Variants in UGT1A7 observed in about 807,000 individuals in gnomAD.
UGT1A7 encodes UDP glucuronosyltransferase family 1 member A7.
A neutral mutation model predicts 45.6 loss-of-function variants in UGT1A7; 33 were observed. That is an observed-to-expected ratio of 0.72 (90% CI 0.55 to 0.97). UGT1A7 has a LOEUF of 0.97. UGT1A7 is among the 50% of genes least tolerant of loss of function. The pLI, the probability that UGT1A7 is intolerant of heterozygous loss-of-function variation, is 0.00. For missense variants in UGT1A7, 684 were observed against 666.2 expected (o/e 1.03, Z -0.29); for synonymous variants, 274 against 250.6 (o/e 1.09, Z -0.88).
At chr2:233,755,578 G>A (rs931050095) in intron 1 of UGT1A7, 38 of 160,002 alleles carry the variant, frequency 2.4e-4, no homozygotes, top group Non-Finnish European at 4.7e-4. Flanking sequence ...GGAAAAGAGA[G>A]GGCCTTGACT....
intron 1 of UGT1A7, 110 bp from the exon 2 acceptor site, chr2:233,766,924 A>G (rs985684086): frequency 6.4e-7 from 1 of 1,565,332 alleles, no homozygotes; most frequent in Admixed American, 1.9e-5. Flanking sequence ...TCAAACACGC[A>G]TGCCTTTAAT....
At position 233,738,264 on chromosome 2, in the gene UGT1A7, G is replaced by A. The variant is rs569089300; in HGVS notation, c.856-28770G>A. 5.9e-5 allele frequency among the ~76,000 whole-genome samples: 9 copies of A among 152,250 alleles called. No individual in the cohort carries two copies. The East Asian group carries it at 1.7e-3, about 29-fold the overall frequency. On this transcript the variant is annotated intron_variant, in intron 1 of 4. Transcript: ENST00000373426. ...CCACATGGAACTGGAGTCAATTAAA[G>A]CTCTTTCCTTTATAAATTACCCAGT...
At chr2:233,697,412 C>A (rs2075389371) in intron 1 of UGT1A7, among the ~76,000 whole-genome samples, 1 of 151,670 alleles carries the variant, frequency 6.6e-6, no homozygotes, top group African/African-American at 2.4e-5. Flanking sequence ...TCTGTGGTGT[C>A]AGTTGCTGTG....
chr2:233,693,452 G>A, intron 1 of UGT1A7: 1 of 1,614,126 alleles, frequency 6.2e-7, no homozygotes, highest in South Asian at 1.1e-5. Context: ...TCTTTTCACA[G>A]ACCCAGCCTT....
intron 1 of UGT1A7, among the ~76,000 whole-genome samples, chr2:233,696,494 A>G (rs1286890486): frequency 2.0e-5 from 3 of 152,178 alleles, no homozygotes; most frequent in Admixed American, 6.5e-5. Context: ...ACTTTACCGA[A>G]TTTGCTTGTC....
At chr2:233,700,072 A>C (rs2075542026) in intron 1 of UGT1A7, among the ~76,000 whole-genome samples, 2 of 152,198 alleles carry the variant, frequency 1.3e-5, no homozygotes, top group South Asian at 4.1e-4. Flanking sequence ...GTGTCTACCC[A>C]GCAAGGCCCC....
At chr2:233,691,413 C>T (rs543988053) in intron 1 of UGT1A7, 2 of 985,542 alleles carry the variant, frequency 2.0e-6, no homozygotes, top group African/African-American at 1.7e-5. Context: ...CTTGGAGTGG[C>T]CCCTCTAATC....
chr2:233,771,360 A>G (rs1369585648), intron 4 of UGT1A7: 1 of 151,838 alleles, frequency 6.6e-6, no homozygotes, highest in African/African-American at 2.4e-5. Flanking sequence ...GGGTTGAAGC[A>G]CCTAACCCGT....
chr2:233,760,886 AT>A (rs763109127), intron 1 of UGT1A7: 1 of 1,613,934 alleles, frequency 6.2e-7, no homozygotes, highest in East Asian at 2.2e-5. Context: ...CTCTCCTCTC[AT>A]TCAGATCACA....
At chr2:233,766,582 G>A (rs1699191924) in intron 1 of UGT1A7, among the ~76,000 whole-genome samples, 1 of 152,174 alleles carries the variant, frequency 6.6e-6, no homozygotes, top group South Asian at 2.1e-4. Context: ...GTCTGGGGGT[G>A]GAGCCCTCGC....
chr2:233,713,281 C>G (rs763148643), intron 1 of UGT1A7: 16 of 1,614,240 alleles, frequency 9.9e-6, no homozygotes, highest in Non-Finnish European at 1.3e-5. Context: ...CTGGGTCACA[C>G]TCAATCGTTC....
chr2:233,704,340 AG>A (rs1377589001), intron 1 of UGT1A7, among the ~76,000 whole-genome samples: 1 of 151,500 alleles, frequency 6.6e-6, no homozygotes, highest in Admixed American at 6.6e-5. Flanking sequence ...CTATTTAAAA[AG>A]TTGTGTTCTG....
Position 233,682,296 on chromosome 2 carries a change from T to C in UGT1A7, c.359T>C (p.Phe120Ser), listed in dbSNP as rs2074570660. The change falls in exon 1 of 5, where the codon TTT becomes TCT. Residue 120 changes from phenylalanine (F) to serine (S), a missense_variant. By Grantham distance (155) the Phe-to-Ser change is radical. Coordinates refer to ENST00000373426, the MANE Select transcript of UGT1A7 (RefSeq NM_019077.3). ...TCATCCAATGGTATTTTTGACTTATTTTTTTCAAATTGCAGGAGTTTGTTT... is the reference window on the plus strand; with the variant it reads ...TCATCCAATGGTATTTTTGACTTATCTTTTTCAAATTGCAGGAGTTTGTTT... ...TSSSNGIFDLFFSNCRSLFND... is the reference protein window; with the variant it reads ...TSSSNGIFDLSFSNCRSLFND... 1 of 1,614,180 alleles carries C rather than the reference T, an allele frequency of 6.2e-7. No individual in the cohort carries two copies. Among genetic ancestry groups the C allele is most frequent in the Non-Finnish European group, 8.5e-7 (1 of 1,180,024 alleles).
At chr2:233,743,354 T>C in intron 1 of UGT1A7, 1 of 972,108 alleles carries the variant, frequency 1.0e-6, no homozygotes, top group Non-Finnish European at 1.5e-6. Context: ...GACATGGACT[T>C]GAAGCTGCCT....
At position 233,768,350 on chromosome 2, in the gene UGT1A7, G is replaced by A; in HGVS notation, c.1206G>A (p.Glu402=). 1 of 1,614,182 alleles carries A rather than the reference G, an allele frequency of 6.2e-7. No individual in the cohort carries two copies. Among genetic ancestry groups the A allele is most frequent in the East Asian group, 2.2e-5 (1 of 44,880 alleles). Residue 402 remains glutamate, a synonymous_variant, in exon 4 of 5, where the codon GAG becomes GAA. Transcript: ENST00000373426. ...GDQMDNAKRM[E]TKGAGVTLNV... is the part of the protein sequence containing the mutation. ...AGATGGACAATGCAAAGCGCATGGA[G>A]ACTAAGGGAGCTGGAGTGACCCTGA... is the stretch of plus-strand genomic sequence containing the variant.
At chr2:233,728,098 T>G (rs1183146949) in intron 1 of UGT1A7, among the ~76,000 whole-genome samples, 2 of 152,208 alleles carry the variant, frequency 1.3e-5, no homozygotes, top group East Asian at 3.9e-4. Context: ...GAAAGGCACA[T>G]ATTTAATTCT....
intron 1 of UGT1A7, among the ~76,000 whole-genome samples, chr2:233,689,612 G>A (rs972552231): frequency 3.9e-5 from 6 of 152,172 alleles, no homozygotes; most frequent in African/African-American, 4.8e-5. Flanking sequence ...TTTAAAATTC[G>A]GGGTTAGCAG....
chr2:233,722,351 T>C (rs991919579), intron 1 of UGT1A7, among the ~76,000 whole-genome samples: 1 of 152,240 alleles, frequency 6.6e-6, no homozygotes, highest in African/African-American at 2.4e-5. Context: ...TTTCTACAAA[T>C]ATACAAGACT....
chr2:233,719,047 C>T (rs970652650), intron 1 of UGT1A7: 1 of 1,614,252 alleles, frequency 6.2e-7, no homozygotes, highest in Non-Finnish European at 8.5e-7. Flanking sequence ...AAATTTTTCA[C>T]CCTGACAGCC....
Sources: gnomAD v4.1 joint callset for allele counts (sites outside exome capture counted in the v4.1 genomes callset) on GRCh38, gnomAD v4.1.1 for gene constraint, MANE v1.5 for transcripts, NCBI Gene and HGNC (gene_info 2026-07-23, HGNC 2026-07-21) for gene names.